Variants in ATAD2 observed in about 807,000 individuals in gnomAD.
ATAD2 encodes ATPase family AAA domain-containing protein 2.
Under a neutral mutation model 168.9 loss-of-function variants are expected in ATAD2, and 62 were observed. That is an observed-to-expected ratio of 0.37 (90% confidence interval 0.30 to 0.45). The LOEUF is 0.45. Ranked by LOEUF, ATAD2 falls within the 20% of genes least tolerant of loss-of-function variation. The pLI is 1.00. For missense variants in ATAD2, 1,419 were observed against 1,667.8 expected, an observed-to-expected ratio of 0.85 and a Z score of 2.60; for synonymous variants, 613 against 571.6, an observed-to-expected ratio of 1.07 and a Z score of -1.03.
intron 1 of ATAD2, among the ~76,000 whole-genome samples, chr8:123,411,340 C>T (rs1320714131): frequency 3.3e-5 from 5 of 152,124 alleles, no homozygotes; most frequent in African/African-American, 1.2e-4. Context: ...GAAATTTCAA[C>T]TGCACAACCC....
chr8:123,400,571 G>A (rs1812982638), upstream of ATAD2: 1 of 508,618 alleles, frequency 2.0e-6, no homozygotes, highest in Admixed American at 2.5e-5. The surrounding 1 kb of genome is among the most constrained non-coding windows in gnomAD (Gnocchi z 4.5). Flanking sequence ...CGGGTCTCTG[G>A]CAGCCTGACA....
At chr8:123,362,692 GGT>G (rs1828863001) in intron 8 of ATAD2, among the ~76,000 whole-genome samples, 1 of 151,978 alleles carries the variant, frequency 6.6e-6, no homozygotes. Context: ...CTGGGATTAA[GGT>G]GTGAGTCATC....
intron 19 of ATAD2, 74 bp from the exon 20 acceptor site, chr8:123,339,520 A>G (rs886912093): frequency 7.4e-7 from 1 of 1,359,050 alleles, no homozygotes; most frequent in South Asian, 1.4e-5. Flanking sequence ...TCAATTTACA[A>G]TTTTTAGACT....
In ATAD2 at chr8:123,359,332, C is replaced by T. The variant is rs778876838; in HGVS notation, c.1271G>A (p.Arg424Gln). Reference protein sequence around the residue: ...VDPMQLDSSVRFDSVGGLSNH... With the variant: ...VDPMQLDSSVQFDSVGGLSNH... ...AGACAGGCCACCAACACTATCAAAT[C>T]GTACCTGGTAATGGAAGCGAACATG... Residue 424 changes from arginine to glutamine, a missense_variant, in exon 11 of 28, where the codon CGA becomes CAA. Arg to Gln is a conservative substitution (Grantham distance 43). This residue lies in a region of ATAD2 where 146 missense variants were observed against 188.3 expected (regional missense o/e 0.78). Coordinates refer to ENST00000287394, the MANE Select transcript of ATAD2 (RefSeq NM_014109.4). 167 of 1,595,900 alleles carry T rather than the reference C, an allele frequency of 1.0e-4. 1 individual carries two copies. Among genetic ancestry groups the T allele is most frequent in the Non-Finnish European group, 1.3e-4 (156 of 1,170,750 alleles).
At chr8:123,389,960 T>TTATATATATATATATATATATATATATA (rs386360951) in intron 1 of ATAD2, among the ~76,000 whole-genome samples, 15 of 94,030 alleles carry the variant, frequency 1.6e-4, no homozygotes, top group Non-Finnish European at 2.5e-4. Context: ...TACTATTATT[T>TTATATATATATATATATATATATATATA]TATATATATA....
intron 1 of ATAD2, among the ~76,000 whole-genome samples, chr8:123,412,633 C>T (rs1260046008): frequency 6.6e-6 from 1 of 151,630 alleles, no homozygotes; most frequent in South Asian, 2.1e-4. Flanking sequence ...CAGGGTCTTG[C>T]TGTGTTGCTT....
At chr8:123,396,546 A>G, upstream of ATAD2, 2 of 595,572 alleles carry the variant, frequency 3.4e-6, no homozygotes. Context: ...GCAGGCTCGA[A>G]ACTCTCCTCC....
At chr8:123,344,782 T>A (rs1481998551) in intron 19 of ATAD2, 102 bp downstream of exon 19, 7 of 1,287,276 alleles carry the variant, frequency 5.4e-6, no homozygotes, top group Non-Finnish European at 7.8e-6. Context: ...ACTTATCCTT[T>A]TATTCACTTC....
intron 1 of ATAD2, among the ~76,000 whole-genome samples, chr8:123,390,407 C>T (rs1017156610): frequency 2.6e-5 from 4 of 152,120 alleles, no homozygotes; most frequent in African/African-American, 9.7e-5. Context: ...AAGCTGTAAC[C>T]TCTAAACCTA....
Position 123,372,667 on chromosome 8 carries a change from C to A in ATAD2, c.340G>T (p.Ala114Ser). ...HFTRQLARQQADKKKEEHRED... is the reference protein window; with the variant it reads ...HFTRQLARQQSDKKKEEHRED... ...CTGTGCTCTTCTTTTTTTTTATCAG[C>A]CTGCTGTCTGGCCAACTGCCTATAT... The change falls in exon 3 of 28, where the codon GCT (alanine) becomes TCT (serine). Residue 114 changes from alanine (A) to serine (S), a missense_variant. By Grantham distance (99) the Ala-to-Ser change is moderately conservative. Transcript: ENST00000287394. The A allele has an allele frequency of 1.3e-6, 2 of 1,588,784 alleles. No individual in the cohort carries two copies. Among genetic ancestry groups the A allele is most frequent in the Admixed American group, 1.8e-5 (1 of 55,956 alleles).
At chr8:123,377,087 G>A (rs1306498050) in intron 2 of ATAD2, among the ~76,000 whole-genome samples, 1 of 1,318 alleles carries the variant, frequency 7.6e-4, no homozygotes, top group African/African-American at 2.0e-3. Flanking sequence ...GTGAGACTCC[G>A]TCTCAAAAAA....
chr8:123,360,822 T>C (rs1212951040), intron 9 of ATAD2, among the ~76,000 whole-genome samples: 1 of 151,876 alleles, frequency 6.6e-6, no homozygotes, highest in African/African-American at 2.4e-5. Context: ...AAATATTTAT[T>C]GGGAAAATCA....
intron 1 of ATAD2, among the ~76,000 whole-genome samples, chr8:123,412,400 A>G (rs1181778475): frequency 1.3e-5 from 2 of 152,214 alleles, no homozygotes; most frequent in African/African-American, 4.8e-5. Flanking sequence ...GATAATAATC[A>G]TAACTGCAAA....
At chr8:123,382,787 C>T (rs1323304747) in intron 1 of ATAD2, among the ~76,000 whole-genome samples, 4 of 152,112 alleles carry the variant, frequency 2.6e-5, no homozygotes, top group Non-Finnish European at 2.9e-5. Flanking sequence ...GACAGTGTGG[C>T]GATTCCTCAA....
At chr8:123,376,774 T>C (rs942625866) in intron 2 of ATAD2, among the ~76,000 whole-genome samples, 1 of 151,048 alleles carries the variant, frequency 6.6e-6, no homozygotes. Flanking sequence ...CTGGGTAACA[T>C]GGTGAGACTC....
chr8:123,361,519 G>A lies in ATAD2; in HGVS notation c.1157+20C>T, dbSNP rs749257674. The A allele has an allele frequency of 1.9e-6, 3 of 1,566,046 alleles. No individual in the cohort carries two copies. The highest frequency in any genetic ancestry group is 2.6e-6 in the Non-Finnish European group (3 of 1,139,090). The stretch of plus-strand genomic sequence containing the variant: ...CAAAATGTGTCTGCTAGTTTAAAAA[G>A]GCATCAATATGGCACTTACCTATTG... On this transcript the variant is annotated intron_variant, in intron 9 of 27. Coordinates refer to ENST00000287394, the MANE Select transcript of ATAD2 (RefSeq NM_014109.4).
rs775863973 is a variant in ATAD2 at position 123,359,370 on chromosome 8, T to C, written c.1267-34A>G. 3 of 1,498,856 alleles carry C rather than the reference T, an allele frequency of 2.0e-6. No individual in the cohort carries two copies. In the East Asian group the frequency reaches 6.8e-5, roughly 34 times the overall value. The allele number at this position is 1,498,856 out of a possible 1,614,324, so 92.8% of individuals were successfully genotyped here. On this transcript the variant is annotated intron_variant, in intron 10 of 27. Coordinates refer to ENST00000287394, the MANE Select transcript of ATAD2 (RefSeq NM_014109.4). Reference sequence around the variant, plus strand: ...GGAAGCGAACATGTACATTTTTAGATTTGGAGTCCAGATTAAAATGTCACC... The same window carrying C: ...GGAAGCGAACATGTACATTTTTAGACTTGGAGTCCAGATTAAAATGTCACC...
chr8:123,346,982 C>A, intron 16 of ATAD2, 110 bp downstream of exon 16: 1 of 1,264,274 alleles, frequency 7.9e-7, no homozygotes, highest in African/African-American at 1.5e-5. Context: ...AAAGCATTAC[C>A]AAATTCTTTT....
chr8:123,323,099 G>C, intron 26 of ATAD2, 33 bp from the exon 27 acceptor site: 2 of 1,584,626 alleles, frequency 1.3e-6, no homozygotes, highest in African/African-American at 2.7e-5. Context: ...ATATGTGTGA[G>C]AGAGAAACTT....
Sources: allele counts gnomAD v4.1 joint callset (sites outside exome capture counted in the v4.1 genomes callset), GRCh38; gene constraint gnomAD v4.1.1; regional missense constraint gnomAD v4.1.1; non-coding constraint Gnocchi (gnomAD v3.1); transcripts MANE v1.5; gene names NCBI Gene and HGNC (gene_info 2026-07-23, HGNC 2026-07-21).